The following INHBC variants were observed in gnomAD, a reference collection of about 807,000 sequenced individuals.
The protein encoded by INHBC is inhibin beta C chain.
Under a neutral mutation model 12.4 loss-of-function variants are expected in INHBC, and 10 were observed. The observed-to-expected ratio is 0.81, with a 90% CI of 0.50 to 1.37. The LOEUF (loss-of-function observed/expected upper bound fraction) is 1.37, where lower values mean the gene tolerates loss of function less well. Among genes scored for constraint, INHBC ranks in the 40% most tolerant of loss-of-function variants. The probability of loss-of-function intolerance (pLI) is 0.00; values close to 1 mark genes in which losing one functional copy is unlikely to be tolerated. For synonymous variants in INHBC, 147 were observed against 171.6 expected (o/e 0.86, Z 1.12); for missense variants, 382 against 439.4 (o/e 0.87, Z 1.17).
intron 1 of INHBC, among the ~76,000 whole-genome samples, chr12:57,436,473 C>CTTTTTT (rs71084754): frequency 9.5e-4 from 100 of 104,722 alleles, no homozygotes; most frequent in Admixed American, 1.2e-3. Flanking sequence ...TTTTCTTTTT[C>CTTTTTT]TTTTTTTTTT....
chr12:57,434,956 G>C lies in INHBC; in HGVS notation c.70G>C (p.Gly24Arg). 4 of 1,614,176 alleles carry C rather than the reference G, an allele frequency of 2.5e-6. No individual in the cohort carries two copies. Among genetic ancestry groups the C allele is most frequent in the Non-Finnish European group, 3.4e-6 (4 of 1,180,028 alleles). Residue 24 changes from glycine (G) to arginine (R), a missense_variant, in exon 1 of 2, where the codon GGT becomes CGT. Gly to Arg is a moderately radical substitution (Grantham distance 125). Coordinates refer to ENST00000309668, the MANE Select transcript of INHBC (RefSeq NM_005538.4). ...PTTVATPRAG[G>R]QCPACGGPTL... ...CACAGTGGCCACTCCCAGAGCTGGC[G>C]GTCAGTGTCCAGCATGTGGGGGGCC...
chr12:57,446,438 A>G (rs2139834489), intron 1 of INHBC, among the ~76,000 whole-genome samples: 1 of 151,138 alleles, frequency 6.6e-6, no homozygotes, highest in East Asian at 1.9e-4. Context: ...TAGATAGTGA[A>G]GAGAAGGGAG....
At chr12:57,446,254 T>TA (rs552344272) in intron 1 of INHBC, among the ~76,000 whole-genome samples, 1 of 151,664 alleles carries the variant, frequency 6.6e-6, no homozygotes, top group Non-Finnish European at 1.5e-5. Flanking sequence ...TTTTTTTAAT[T>TA]AAAAAAAGAG....
rs774947786 is a variant in INHBC, at chr12:57,435,085, G to A, written c.199G>A (p.Val67Met). 1.2e-6 allele frequency: 2 copies of A among 1,614,074 alleles called. No homozygotes were observed. The highest frequency in any genetic ancestry group is 2.7e-5 in the African/African-American group (2 of 74,938). The change falls in exon 1 of 2, where the codon GTG becomes ATG. Residue 67 changes from valine to methionine, a missense_variant. By Grantham distance (21) the Val-to-Met change is conservative. Transcript: ENST00000309668. The part of the protein sequence containing the change: ...LTQRPTLNRP[V>M]SRAALRTALQ... Reference sequence around the variant, plus strand: ...CCAGCGCCCAACACTGAACCGCCCTGTGTCCAGAGCTGCTTTGAGGACTGC... The same window carrying A: ...CCAGCGCCCAACACTGAACCGCCCTATGTCCAGAGCTGCTTTGAGGACTGC...
chr12:57,440,606 C>T (rs1870442941), intron 1 of INHBC, among the ~76,000 whole-genome samples: 1 of 152,094 alleles, frequency 6.6e-6, no homozygotes, highest in Admixed American at 6.6e-5. Context: ...GCTGGGATTA[C>T]AGGTGTTAGC....
intron 1 of INHBC, among the ~76,000 whole-genome samples, chr12:57,440,804 C>G (rs1870447523): frequency 6.6e-6 from 1 of 152,194 alleles, no homozygotes; most frequent in African/African-American, 2.4e-5. Context: ...ATACACAATA[C>G]AAGTTCCCCT....
chr12:57,445,835 T>G (rs569617516), intron 1 of INHBC, among the ~76,000 whole-genome samples: 8 of 149,606 alleles, frequency 5.3e-5, no homozygotes, highest in Non-Finnish European at 1.2e-4. Flanking sequence ...AACCTCTGCC[T>G]CGCAGGTTCA....
At chr12:57,445,452 TAGA>T (rs2139833950) in intron 1 of INHBC, among the ~76,000 whole-genome samples, 1 of 152,312 alleles carries the variant, frequency 6.6e-6, no homozygotes, top group South Asian at 2.1e-4. Context: ...TATTATGAAT[TAGA>T]AGTAGAGTTG....
At chr12:57,445,715 C>CG (rs978116787) in intron 1 of INHBC, among the ~76,000 whole-genome samples, 7 of 142,872 alleles carry the variant, frequency 4.9e-5, no homozygotes, top group Non-Finnish European at 9.1e-5. Context: ...ATAGTGAGAC[C>CG]CCCCGCCCAT....
intron 1 of INHBC, among the ~76,000 whole-genome samples, chr12:57,439,834 G>A (rs910362374): frequency 2.6e-5 from 4 of 152,058 alleles, no homozygotes; most frequent in East Asian, 1.9e-4. Context: ...CAAGCAAAGC[G>A]TTTTTTTGGT....
At position 57,434,879 on chromosome 12, in the gene INHBC, C is replaced by T. The variant is rs1203532842; in HGVS notation, c.-8C>T. The T allele has an allele frequency of 6.2e-7, 1 of 1,603,718 alleles. No homozygotes were observed. The highest frequency in any genetic ancestry group is 1.3e-5 in the African/African-American group (1 of 74,830). Reference sequence around the variant, plus strand: ...GTCTGTATTGCTCAAGAAGGGCCTTCCCCAGCAATGACCTCCTCATTGCTT... The same window carrying T: ...GTCTGTATTGCTCAAGAAGGGCCTTTCCCAGCAATGACCTCCTCATTGCTT... On this transcript the variant is annotated 5_prime_UTR_variant, in exon 1 of 2. Coordinates refer to ENST00000309668, the MANE Select transcript of INHBC (RefSeq NM_005538.4).
chr12:57,440,542 C>T (rs1870442265), intron 1 of INHBC, among the ~76,000 whole-genome samples: 1 of 151,800 alleles, frequency 6.6e-6, no homozygotes, highest in Non-Finnish European at 1.5e-5. Context: ...CATGTTAGCT[C>T]GGATGGTCTT....
chr12:57,447,892 A>AAATATATAT (rs1555325179), intron 1 of INHBC, among the ~76,000 whole-genome samples: 9 of 19,874 alleles, frequency 4.5e-4, no homozygotes, highest in Non-Finnish European at 5.3e-4. Flanking sequence ...AAAAAAAAAA[A>AAATATATAT]ATATATATAT....
intron 1 of INHBC, among the ~76,000 whole-genome samples, chr12:57,436,441 G>A (rs1870339446): frequency 1.3e-5 from 2 of 148,826 alleles, no homozygotes; most frequent in East Asian, 4.0e-4. Context: ...GGGATTACAA[G>A]TGTGAGCCAC....
chr12:57,449,911 C>A lies in INHBC; in HGVS notation c.948C>A (p.Cys316Ter). ...CAGGCACCACTGGAGGGGGCTCATG[C>A]TGTGTACCCACGGCCCGGCGCCCCC... ...TAAGTTGGGS[C>*]CVPTARRPLS... The change falls in exon 2 of 2, where the codon TGC becomes TGA. Residue 316 changes from cysteine (C) to a stop codon, truncating the protein, a stop_gained. Coordinates refer to ENST00000309668, the MANE Select transcript of INHBC (RefSeq NM_005538.4). LOFTEE classifies it high-confidence loss of function. 1 of 1,606,962 alleles carries A rather than the reference C, an allele frequency of 6.2e-7. No homozygotes were observed.
chr12:57,445,009 G>A (rs1870545433), intron 1 of INHBC, among the ~76,000 whole-genome samples: 1 of 152,140 alleles, frequency 6.6e-6, no homozygotes, highest in South Asian at 2.1e-4. Context: ...GATTAGGAAG[G>A]AAGCCTGAAG....
At chr12:57,440,655 T>G (rs1870444176) in intron 1 of INHBC, among the ~76,000 whole-genome samples, 1 of 152,060 alleles carries the variant, frequency 6.6e-6, no homozygotes, top group African/African-American at 2.4e-5. Context: ...AGTTCATCTC[T>G]CTCCCGAAAT....
At chr12:57,441,481 C>T (rs547459531) in intron 1 of INHBC, among the ~76,000 whole-genome samples, 2 of 146,082 alleles carry the variant, frequency 1.4e-5, no homozygotes, top group African/African-American at 2.5e-5. Flanking sequence ...GCCAAGATCA[C>T]GTCATTGCAC....
Position 57,449,749 on chromosome 12 carries a change from C to T in INHBC, c.786C>T (p.His262=), listed in dbSNP as rs558242839. 26 of 1,614,236 alleles carry T rather than the reference C, an allele frequency of 1.6e-5. No homozygotes were observed. Among genetic ancestry groups the T allele is most frequent in the East Asian group, 1.1e-4 (5 of 44,886 alleles). The change falls in exon 2 of 2, where the codon CAC becomes CAT. Residue 262 remains histidine, a synonymous_variant. Coordinates refer to ENST00000309668, the MANE Select transcript of INHBC (RefSeq NM_005538.4). ...TGGACTTCCGTGAGATTGGCTGGCA[C>T]GACTGGATCATCCAGCCTGAGGGCT... ...FFVDFREIGW[H]DWIIQPEGYA... is the part of the protein sequence containing the mutation.
Sources: gnomAD v4.1 joint callset for allele counts (sites outside exome capture counted in the v4.1 genomes callset) on GRCh38, gnomAD v4.1.1 for gene constraint, MANE v1.5 for transcripts, NCBI Gene and HGNC (gene_info 2026-07-23, HGNC 2026-07-21) for gene names.